The following SORT1 variants were observed in gnomAD, a reference collection of about 807,000 sequenced individuals.
SORT1 encodes the protein sortilin.
A neutral mutation model predicts 101.7 loss-of-function variants in SORT1; 39 were observed. The ratio of observed to expected loss-of-function variants is 0.38; its 90% CI spans 0.30 to 0.50. SORT1 has a LOEUF of 0.50. SORT1 is among the 20% of genes least tolerant of loss of function. The pLI is 0.90. For synonymous variants in SORT1, 396 were observed against 393.7 expected (o/e 1.01, Z -0.07); for missense variants, 878 against 1,040.4 (o/e 0.84, Z 2.15).
At chr1:109,315,368 G>A (rs1292061324) in intron 17 of SORT1, among the ~76,000 whole-genome samples, 1 of 152,142 alleles carries the variant, frequency 6.6e-6, no homozygotes, top group Non-Finnish European at 1.5e-5. Flanking sequence ...CTGGATTCTA[G>A]GACAAGCTGT....
intron 11 of SORT1, among the ~76,000 whole-genome samples, chr1:109,330,311 C>A (rs985579613): frequency 6.6e-5 from 10 of 151,998 alleles, no homozygotes; most frequent in Non-Finnish European, 1.2e-4. Context: ...TTTTCAACTA[C>A]AACATTATGA....
At chr1:109,348,395 A>C (rs1649736510) in intron 6 of SORT1, among the ~76,000 whole-genome samples, 1 of 143,136 alleles carries the variant, frequency 7.0e-6, no homozygotes. Flanking sequence ...GACACTAAAC[A>C]AAAAAAAAAA....
In SORT1 at chr1:109,313,868, T is replaced by G; in HGVS notation, c.*175A>C. ...CCAATTGTAAAAAAGTGCTCAGGGT[T>G]CCCCACCCCCACCCTGCATTTCTTT... On this transcript the variant is annotated 3_prime_UTR_variant, in exon 20 of 20. Transcript: ENST00000256637. The G allele has an allele frequency of 1.7e-6, 1 of 578,244 alleles. No individual in the cohort carries two copies. The highest frequency in any genetic ancestry group is 3.1e-6 in the Non-Finnish European group (1 of 327,516). The allele number at this position is 578,244 out of a possible 1,614,324, so 35.8% of individuals were successfully genotyped here.
In SORT1 at chr1:109,315,608, C is replaced by T. The variant is rs9651098; in HGVS notation, c.2251-830G>A. Among the ~76,000 whole-genome samples the T allele has an allele frequency of 6.6e-3, 1,008 of 152,214 alleles. 8 individuals carry two copies. The highest frequency in any genetic ancestry group is 6.4e-3 in the Admixed American group (98 of 15,292). ...TGATCCAGCTTGACCTCTCCTATTA[C>T]GAATTGGGAAACGGGCCTGCTGTTG... is the stretch of plus-strand genomic sequence containing the variant. On this transcript the variant is annotated intron_variant, in intron 17 of 19. Transcript: ENST00000256637.
chr1:109,355,075 C>T (rs1650218031), intron 4 of SORT1, among the ~76,000 whole-genome samples: 1 of 151,776 alleles, frequency 6.6e-6, no homozygotes, highest in Non-Finnish European at 1.5e-5. Context: ...ACAAAAATTA[C>T]CCAGGAGTGG....
At chr1:109,370,896 G>C (rs1406067597) in intron 1 of SORT1, among the ~76,000 whole-genome samples, 1 of 152,100 alleles carries the variant, frequency 6.6e-6, no homozygotes, top group Non-Finnish European at 1.5e-5. Context: ...TAAATGGTTG[G>C]GATGCCAGCT....
intron 3 of SORT1, among the ~76,000 whole-genome samples, chr1:109,355,785 C>T (rs1366510007): frequency 2.6e-5 from 4 of 152,092 alleles, no homozygotes; most frequent in Non-Finnish European, 4.4e-5. Context: ...CTTATGATAG[C>T]TACCTGATAA....
At chr1:109,382,459 T>C (rs1411413402) in intron 1 of SORT1, among the ~76,000 whole-genome samples, 1 of 152,158 alleles carries the variant, frequency 6.6e-6, no homozygotes, top group Admixed American at 6.5e-5. Context: ...TTCTTATTTA[T>C]ATTACACTAG....
chr1:109,317,976 G>A lies in SORT1; in HGVS notation c.2025-7C>T. On this transcript the variant is annotated splice_polypyrimidine_tract_variant and splice_region_variant and intron_variant, in intron 15 of 19. Coordinates refer to ENST00000256637, the MANE Select transcript of SORT1 (RefSeq NM_002959.7). ...ACGGTAGTAGCCAAAATCACTGCAA[G>A]AGTCAGCAAATAAAGTACCTTTCAA... 6 of 1,577,578 alleles carry A rather than the reference G, an allele frequency of 3.8e-6. No individual in the cohort carries two copies. Among genetic ancestry groups the A allele is most frequent in the Non-Finnish European group, 4.4e-6 (5 of 1,146,974 alleles).
At position 109,354,654 on chromosome 1, in the gene SORT1, T is replaced by TA. The variant is rs2101603928; in HGVS notation, c.544-124dup. ...TTAGTTCTAGAAATAAGAAGAGTTA[T>TA]AAAAACTGATTAGTTGTTCCACTCT... is the stretch of plus-strand genomic sequence containing the variant. On this transcript the variant is annotated intron_variant, in intron 4 of 19. Coordinates refer to ENST00000256637, the MANE Select transcript of SORT1 (RefSeq NM_002959.7). The TA allele has an allele frequency of 4.2e-6, 3 of 710,400 alleles. No individual in the cohort carries two copies. In the South Asian group the frequency reaches 5.9e-5, roughly 14 times the overall value. 44.0% of individuals were successfully genotyped at this position (710,400 alleles called of 1,614,324 possible). A position where few individuals can be genotyped will look rare whatever the true frequency, so the allele number is the denominator to read the frequency against.
chr1:109,332,670 A>G (rs1216117501), intron 11 of SORT1, among the ~76,000 whole-genome samples: 3 of 152,240 alleles, frequency 2.0e-5, no homozygotes, highest in Non-Finnish European at 4.4e-5. Flanking sequence ...ATTGCAAGCA[A>G]AAAGAACAAA....
rs570872294 is a variant in SORT1 at position 109,320,096 on chromosome 1, C to T, written c.2025-2127G>A. 3.2e-4 allele frequency among the ~76,000 whole-genome samples: 48 copies of T among 152,250 alleles called. No individual in the cohort carries two copies. In the South Asian group the frequency reaches 1.0e-2, roughly 32 times the overall value. On this transcript the variant is annotated intron_variant, in intron 15 of 19. Coordinates refer to ENST00000256637, the MANE Select transcript of SORT1 (RefSeq NM_002959.7). ...ACTGCTTGCTCTTCTTTCTTCCTAACCCATAAATGTAGTCTTTTGCCGGGG... is the reference window on the plus strand; with the variant it reads ...ACTGCTTGCTCTTCTTTCTTCCTAATCCATAAATGTAGTCTTTTGCCGGGG...
intron 11 of SORT1, among the ~76,000 whole-genome samples, chr1:109,334,245 T>C (rs1306628679): frequency 6.6e-6 from 1 of 152,154 alleles, no homozygotes; most frequent in African/African-American, 2.4e-5. Context: ...CCAAAAGATA[T>C]CTGTGCTCCC....
At position 109,378,736 on chromosome 1, in the gene SORT1, AT is replaced by A. The variant is rs1557822587; in HGVS notation, c.307-9148del. Among the ~76,000 whole-genome samples the A allele has an allele frequency of 4.1e-4, 44 of 107,008 alleles. 2 individuals are homozygous for A. Among genetic ancestry groups the A allele is most frequent in the African/African-American group, 1.5e-3 (40 of 26,052 alleles). 70.2% of individuals were successfully genotyped at this position (107,008 alleles called of 152,430 possible). On this transcript the variant is annotated intron_variant, in intron 1 of 19. Coordinates refer to ENST00000256637, the MANE Select transcript of SORT1 (RefSeq NM_002959.7). ...TATATATATATATATATATATATAT[AT>A]ATATATATATATATATATATATATA...
chr1:109,329,019 C>T (rs1186969557), intron 11 of SORT1, among the ~76,000 whole-genome samples: 3 of 152,066 alleles, frequency 2.0e-5, no homozygotes, highest in East Asian at 1.9e-4. Context: ...CCAGGCCTGC[C>T]GCAGAGGACC....
intron 11 of SORT1, among the ~76,000 whole-genome samples, chr1:109,332,158 C>CT (rs781767747): frequency 3.3e-5 from 5 of 151,898 alleles, no homozygotes; most frequent in East Asian, 1.9e-4. Flanking sequence ...TTTTGACTGT[C>CT]TTTTTTTACT....
chr1:109,347,559 G>T (rs1374014050), intron 6 of SORT1, 27 bp from the exon 7 acceptor site: 1 of 1,555,824 alleles, frequency 6.4e-7, no homozygotes, highest in Non-Finnish European at 8.9e-7. Flanking sequence ...ACAGGGAAAA[G>T]AAATGGTTTA....
At position 109,369,562 on chromosome 1, in the gene SORT1, C is replaced by T. The variant is rs1176934237; in HGVS notation, c.334G>A (p.Val112Ile). ...QHVFDDLRGS[V>I]SLSWVGDSTG... ...CTATCTCCAACCCAGGACAAGGATA[C>T]TGAGCCTCTGAGATCATCAAACACA... The change falls in exon 2 of 20, where the codon GTA (valine) becomes ATA (isoleucine). Residue 112 changes from valine to isoleucine, a missense_variant. By Grantham distance (29) the Val-to-Ile change is conservative (BLOSUM62 3). Transcript: ENST00000256637. 2.5e-6 allele frequency: 4 copies of T among 1,610,058 alleles called. No individual in the cohort carries two copies. Among genetic ancestry groups the T allele is most frequent in the Admixed American group, 1.7e-5 (1 of 60,006 alleles).
At chr1:109,372,959 G>A (rs192392360) in intron 1 of SORT1, among the ~76,000 whole-genome samples, 3 of 151,934 alleles carry the variant, frequency 2.0e-5, no homozygotes, top group African/African-American at 7.2e-5. Flanking sequence ...GGGAGGCTGA[G>A]GCAGAGAATT....
Sources: gnomAD v4.1 joint callset for allele counts (sites outside exome capture counted in the v4.1 genomes callset) on GRCh38, gnomAD v4.1.1 for gene constraint, MANE v1.5 for transcripts, NCBI Gene and HGNC (gene_info 2026-07-23, HGNC 2026-07-21) for gene names.